The following C20orf203 variants were observed in gnomAD, a reference collection of about 807,000 sequenced individuals.
The protein encoded by C20orf203 is chromosome 20 open reading frame 203, also known as uncharacterized protein C20orf203.
A neutral mutation model predicts 15.9 loss-of-function variants in C20orf203; 16 were observed. The ratio of observed to expected loss-of-function variants is 1.01; its 90% CI spans 0.68 to 1.53. C20orf203 has a LOEUF of 1.53. Ranked by LOEUF, C20orf203 falls within the 40% of genes most tolerant of loss-of-function variation. C20orf203 has a pLI of 0.00. For missense variants in C20orf203, 263 were observed against 247.5 expected (o/e 1.06, Z -0.42); for synonymous variants, 98 against 97.2 (o/e 1.01, Z -0.05).
chr20:32,654,136 T>C (rs912249155), intron 1 of C20orf203, among the ~76,000 whole-genome samples: 3 of 150,654 alleles, frequency 2.0e-5, no homozygotes, highest in Non-Finnish European at 4.4e-5. Flanking sequence ...TTATAACTAA[T>C]AATTGGGTTT....
intron 1 of C20orf203, among the ~76,000 whole-genome samples, chr20:32,671,514 CA>C (rs1300090433): frequency 6.6e-6 from 1 of 151,786 alleles, no homozygotes; most frequent in Non-Finnish European, 1.5e-5. Flanking sequence ...AAAATAAAGA[CA>C]AAAAAATTTT....
At chr20:32,644,033 C>T (rs1982357452) in intron 4 of C20orf203, among the ~76,000 whole-genome samples, 1 of 152,206 alleles carries the variant, frequency 6.6e-6, no homozygotes, top group African/African-American at 2.4e-5. Context: ...CACGACTGCC[C>T]AGCCAGGACT....
chr20:32,672,221 C>T (rs1219175944), intron 1 of C20orf203, among the ~76,000 whole-genome samples: 1 of 151,878 alleles, frequency 6.6e-6, no homozygotes, highest in East Asian at 1.9e-4. Context: ...TAGCTGTAAT[C>T]CTAGCTACTT....
chr20:32,668,619 C>CT (rs1365622773), intron 1 of C20orf203, among the ~76,000 whole-genome samples: 1 of 150,890 alleles, frequency 6.6e-6, no homozygotes, highest in Admixed American at 6.6e-5. Flanking sequence ...GAGTGAGACT[C>CT]TGTCTCAAAA....
At chr20:32,640,960 G>A (rs1420462680) in intron 4 of C20orf203, among the ~76,000 whole-genome samples, 1 of 152,054 alleles carries the variant, frequency 6.6e-6, no homozygotes, top group Non-Finnish European at 1.5e-5. Context: ...TTGTAGCATG[G>A]ATCAGTATTT....
chr20:32,634,697 GTCAGATT>G (rs1433791611), intron 5 of C20orf203, among the ~76,000 whole-genome samples: 1 of 152,172 alleles, frequency 6.6e-6, no homozygotes, highest in Non-Finnish European at 1.5e-5. Flanking sequence ...AGGCTGAGGA[GTCAGATT>G]TCAGAGACTA....
Position 32,635,952 on chromosome 20 carries a change from T to G in C20orf203, c.*1300-1682A>C, listed in dbSNP as rs146504385. Among the ~76,000 whole-genome samples the G allele has an allele frequency of 1.4e-3, 219 of 152,244 alleles. 1 individual carries two copies. The highest frequency in any genetic ancestry group is 5.1e-3 in the African/African-American group (211 of 41,556). On this transcript the variant is annotated intron_variant, in intron 5 of 5. Coordinates refer to ENST00000608990, the MANE Select transcript of C20orf203 (RefSeq NM_182584.4). ...AATGACGTGTCGTCCTCCCATCCCG[T>G]GTACAGTGAGCCCACGTGCTCTGAC... is the stretch of plus-strand genomic sequence containing the variant.
At chr20:32,662,538 C>T (rs376578290) in intron 1 of C20orf203, among the ~76,000 whole-genome samples, 194 of 152,148 alleles carry the variant, frequency 1.3e-3, no homozygotes, top group African/African-American at 4.5e-3. Flanking sequence ...GACGGAGTTG[C>T]GGTGAGCCAA....
chr20:32,641,422 C>T (rs1022104135), intron 4 of C20orf203, among the ~76,000 whole-genome samples: 5 of 151,482 alleles, frequency 3.3e-5, no homozygotes, highest in Non-Finnish European at 7.4e-5. Flanking sequence ...AATAACGCTG[C>T]TATTAACATT....
intron 5 of C20orf203, 56 bp from the exon 6 acceptor site, chr20:32,634,326 A>G: frequency 5.0e-6 from 2 of 397,736 alleles, no homozygotes; most frequent in Non-Finnish European, 8.9e-6. Flanking sequence ...GGCGAGAGGT[A>G]CTGTGACATC....
chr20:32,640,444 C>T (rs1337021945), intron 5 of C20orf203, 122 bp downstream of exon 5: 2 of 152,170 alleles, frequency 1.3e-5, no homozygotes, highest in African/African-American at 4.8e-5. Context: ...GTAATCCCAC[C>T]ACTTTGGGAG....
chr20:32,671,708 G>T (rs560071858), intron 1 of C20orf203, among the ~76,000 whole-genome samples: 1 of 151,796 alleles, frequency 6.6e-6, no homozygotes, highest in Admixed American at 6.6e-5. Flanking sequence ...GCGTGGTGGC[G>T]CACACCTATA....
chr20:32,651,103 G>T lies in C20orf203; in HGVS notation c.50C>A (p.Pro17His). The T allele has an allele frequency of 6.9e-7, 1 of 1,446,232 alleles. No individual in the cohort carries two copies. Among genetic ancestry groups the T allele is most frequent in the Non-Finnish European group, 9.4e-7 (1 of 1,069,262 alleles). The allele number at this position is 1,446,232 out of a possible 1,614,324, so 89.6% of individuals were successfully genotyped here. A position where few individuals can be genotyped will look rare whatever the true frequency, so the allele number is the denominator to read the frequency against. Reference protein sequence around the residue: ...LNSRAQAILLPQPPNMLDHRQ... With the variant: ...LNSRAQAILLHQPPNMLDHRQ... ...GTGATCCAGCATGTTGGGAGGCTGAGGCAGGAGAATCGCTTGAGCCCGGGA... is the reference window on the plus strand; with the variant it reads ...GTGATCCAGCATGTTGGGAGGCTGATGCAGGAGAATCGCTTGAGCCCGGGA... Residue 17 changes from proline to histidine, a missense_variant, in exon 3 of 6, where the codon CCT (proline) becomes CAT (histidine). Coordinates refer to ENST00000608990, the MANE Select transcript of C20orf203 (RefSeq NM_182584.4).
chr20:32,651,307 C>G, intron 2 of C20orf203, 141 bp from the exon 3 acceptor site: 2 of 400,302 alleles, frequency 5.0e-6, no homozygotes, highest in Non-Finnish European at 8.8e-6. Context: ...CATGATCGCC[C>G]CACTACACTC....
intron 1 of C20orf203, among the ~76,000 whole-genome samples, chr20:32,661,255 T>C (rs909339392): frequency 6.6e-6 from 1 of 152,170 alleles, no homozygotes; most frequent in Non-Finnish European, 1.5e-5. Context: ...TTGCCGGGCA[T>C]TGAGGGCTCA....
At chr20:32,672,280 A>C (rs1222838783) in intron 1 of C20orf203, among the ~76,000 whole-genome samples, 2 of 151,828 alleles carry the variant, frequency 1.3e-5, no homozygotes, top group Non-Finnish European at 2.9e-5. Context: ...TGGAGGTTGC[A>C]GTGAGCCGAG....
Position 32,650,390 on chromosome 20 carries a change from G to T in C20orf203, c.*42C>A. 1 of 1,418,896 alleles carries T rather than the reference G, an allele frequency of 7.0e-7. No individual in the cohort carries two copies. Among genetic ancestry groups the T allele is most frequent in the Non-Finnish European group, 9.7e-7 (1 of 1,035,802 alleles). The allele number at this position is 1,418,896 out of a possible 1,614,324, so 87.9% of individuals were successfully genotyped here. ...CCTGAGGTGGTGGTGGCCTTGGTAG[G>T]ACAGGCAGGCAGAGCTGGGGGTGGG... On this transcript the variant is annotated 3_prime_UTR_variant, in exon 4 of 6. Coordinates refer to ENST00000608990, the MANE Select transcript of C20orf203 (RefSeq NM_182584.4).
chr20:32,671,140 A>G, intron 1 of C20orf203, among the ~76,000 whole-genome samples: 1 of 152,262 alleles, frequency 6.6e-6, no homozygotes. Context: ...CAAAAAATTA[A>G]AAATAGAACT....
chr20:32,636,254 C>T (rs1408152932), intron 5 of C20orf203, among the ~76,000 whole-genome samples: 1 of 152,152 alleles, frequency 6.6e-6, no homozygotes, highest in Admixed American at 6.5e-5. Context: ...CGAAAATGTC[C>T]AAACCAAAGA....
Sources: allele counts gnomAD v4.1 joint callset (sites outside exome capture counted in the v4.1 genomes callset), GRCh38; gene constraint gnomAD v4.1.1; transcripts MANE v1.5; gene names NCBI Gene and HGNC (gene_info 2026-07-23, HGNC 2026-07-21).